The following GLIS3 variants were observed in gnomAD, a reference collection of about 807,000 sequenced individuals.
The protein encoded by GLIS3 is zinc finger protein GLIS3.
A neutral mutation model predicts 78.6 loss-of-function variants in GLIS3; 53 were observed. The observed-to-expected ratio is 0.67, with a 90% confidence interval of 0.54 to 0.85. GLIS3 has a LOEUF of 0.85. Among genes scored for constraint, GLIS3 ranks in the 40% least tolerant of loss-of-function variants. The pLI, the probability that GLIS3 is intolerant of heterozygous loss-of-function variation, is 0.00. For synonymous variants in GLIS3, 684 were observed against 509.9 expected, an observed-to-expected ratio of 1.34 and a Z score of -4.60; for missense variants, 1,703 against 1,231.1, an observed-to-expected ratio of 1.38 and a Z score of -5.74.
At chr9:4,124,496 C>G (rs904087313) in intron 3 of GLIS3, among the ~76,000 whole-genome samples, 1 of 152,202 alleles carries the variant, frequency 6.6e-6, no homozygotes, top group Non-Finnish European at 1.5e-5. Context: ...ACACCCACCC[C>G]ATGAGCACAG....
chr9:4,080,685 C>G (rs1467867112), intron 4 of GLIS3, among the ~76,000 whole-genome samples: 3 of 152,060 alleles, frequency 2.0e-5, no homozygotes, highest in African/African-American at 7.2e-5. Context: ...CTAATCCTGG[C>G]CCTGAGTAGG....
chr9:4,407,907 A>T, the GLIS3 span, among the ~76,000 whole-genome samples: 2 of 152,152 alleles, frequency 1.3e-5, no homozygotes, highest in South Asian at 4.1e-4. Flanking sequence ...GAGCTCAAAC[A>T]ACTCTAAGAG....
At chr9:4,033,599 T>C (rs1027129054) in intron 4 of GLIS3, among the ~76,000 whole-genome samples, 2 of 152,074 alleles carry the variant, frequency 1.3e-5, no homozygotes, top group African/African-American at 4.8e-5. Flanking sequence ...GGACTTCCCC[T>C]TGGGAGCTTG....
intron 9 of GLIS3, among the ~76,000 whole-genome samples, chr9:3,835,500 A>C (rs570542683): frequency 6.6e-6 from 1 of 152,230 alleles, no homozygotes; most frequent in Non-Finnish European, 1.5e-5. Flanking sequence ...GACTGTATCA[A>C]TTCAGGGATC....
At chr9:4,273,927 C>G (rs1002306513) in intron 2 of GLIS3, among the ~76,000 whole-genome samples, 1 of 152,196 alleles carries the variant, frequency 6.6e-6, no homozygotes, top group African/African-American at 2.4e-5. Flanking sequence ...CCATTCCACC[C>G]TCAGGCCATA....
At chr9:4,218,670 G>C (rs1176217697) in intron 2 of GLIS3, among the ~76,000 whole-genome samples, 5 of 152,174 alleles carry the variant, frequency 3.3e-5, no homozygotes, top group Non-Finnish European at 7.3e-5. Context: ...TTGAGATGTG[G>C]CTAGTGCAAA....
the GLIS3 span, among the ~76,000 whole-genome samples, chr9:4,360,032 A>G: frequency 3.3e-5 from 5 of 152,102 alleles, no homozygotes; most frequent in East Asian, 5.8e-4. Context: ...TGCAAAAAAA[A>G]AAAAAATTAC....
At chr9:4,420,028 G>C in the GLIS3 span, among the ~76,000 whole-genome samples, 643 of 152,314 alleles carry the variant, frequency 4.2e-3, 4 homozygotes, top group African/African-American at 0.013. Context: ...ACTGAGAGTA[G>C]TTATGGGGAA....
At chr9:3,982,054 C>T (rs1289586286) in intron 4 of GLIS3, among the ~76,000 whole-genome samples, 1 of 152,100 alleles carries the variant, frequency 6.6e-6, no homozygotes, top group Non-Finnish European at 1.5e-5. Context: ...TCCATTATAC[C>T]TTTAAAGAAT....
rs368276354 is a variant in GLIS3, at chr9:4,145,456, T to C, written c.389-19515A>G. 4.6e-3 allele frequency among the ~76,000 whole-genome samples: 689 copies of C among 150,676 alleles called. 12 individuals are homozygous for C. The highest frequency in any genetic ancestry group is 0.016 in the African/African-American group (651 of 41,144). On this transcript the variant is annotated intron_variant, in intron 2 of 10. Transcript: ENST00000381971. ...TTGCACACAACTGCTGTGATACATA[T>C]AGTACAACCAATTGATTGGAACAAC...
At chr9:3,858,053 C>A (rs1227242753) in intron 8 of GLIS3, among the ~76,000 whole-genome samples, 1 of 152,148 alleles carries the variant, frequency 6.6e-6, no homozygotes, top group African/African-American at 2.4e-5. Flanking sequence ...TGCAAGGCAA[C>A]CTATGGTACT....
At chr9:4,172,377 T>A (rs1368588551) in intron 2 of GLIS3, among the ~76,000 whole-genome samples, 1 of 152,172 alleles carries the variant, frequency 6.6e-6, no homozygotes, top group Non-Finnish European at 1.5e-5. Context: ...TAGGTCTCCA[T>A]ACTGAGTAAG....
chr9:4,353,363 T>C (rs144575793), upstream of GLIS3, among the ~76,000 whole-genome samples: 2 of 152,246 alleles, frequency 1.3e-5, no homozygotes, highest in African/African-American at 4.8e-5. Flanking sequence ...GTCCTCTGAT[T>C]TCAGGCAGCT....
At chr9:4,411,621 T>G in the GLIS3 span, among the ~76,000 whole-genome samples, 2 of 152,188 alleles carry the variant, frequency 1.3e-5, no homozygotes, top group African/African-American at 4.8e-5. Context: ...TTGACCTAAT[T>G]TTTAGAAAAT....
chr9:4,450,447 T>A, the GLIS3 span, among the ~76,000 whole-genome samples: 1 of 151,994 alleles, frequency 6.6e-6, no homozygotes, highest in Non-Finnish European at 1.5e-5. Context: ...CAGGAGAACA[T>A]CCCCAACCTA....
At chr9:4,140,286 G>C (rs1017582180) in intron 2 of GLIS3, among the ~76,000 whole-genome samples, 1 of 152,014 alleles carries the variant, frequency 6.6e-6, no homozygotes, top group Non-Finnish European at 1.5e-5. Flanking sequence ...ATGGCACCAC[G>C]GCACTCCAGC....
intron 4 of GLIS3, among the ~76,000 whole-genome samples, chr9:4,021,254 A>C (rs1012291309): frequency 2.6e-5 from 4 of 152,196 alleles, no homozygotes; most frequent in Non-Finnish European, 4.4e-5. Flanking sequence ...AAACCACATA[A>C]TGTGGGCTAT....
intron 4 of GLIS3, among the ~76,000 whole-genome samples, chr9:4,084,552 G>A (rs1828855831): frequency 6.6e-6 from 1 of 152,136 alleles, no homozygotes; most frequent in African/African-American, 2.4e-5. Flanking sequence ...CGGAGACATG[G>A]AGCCAGAAAC....
intron 2 of GLIS3, among the ~76,000 whole-genome samples, chr9:4,221,822 A>C (rs1393862107): frequency 6.6e-6 from 1 of 152,210 alleles, no homozygotes; most frequent in Non-Finnish European, 1.5e-5. Context: ...GAACCTAAAA[A>C]TCTTGCCTTT....
Sources: gnomAD v4.1 joint callset for allele counts (sites outside exome capture counted in the v4.1 genomes callset) on GRCh38, gnomAD v4.1.1 for gene constraint, MANE v1.5 for transcripts, NCBI Gene and HGNC (gene_info 2026-07-23, HGNC 2026-07-21) for gene names.